KSR2: variants seen among roughly 807,000 people sequenced by gnomAD.
KSR2 encodes kinase suppressor of ras 2.
KSR2 carries 25 observed loss-of-function variants against 107.8 expected under a neutral mutation model. That is an observed-to-expected ratio of 0.23 (90% CI 0.17 to 0.32). The LOEUF is 0.32. Among genes scored for constraint, KSR2 ranks in the 10% least tolerant of loss-of-function variants. KSR2 has a pLI of 1.00. For synonymous variants in KSR2, 480 were observed against 507.0 expected (o/e 0.95, Z 0.71); for missense variants, 887 against 1,268.9 (o/e 0.70, Z 4.57).
intron 4 of KSR2, among the ~76,000 whole-genome samples, chr12:117,701,931 C>A (rs1288261183): frequency 6.6e-6 from 1 of 152,218 alleles, no homozygotes; most frequent in Non-Finnish European, 1.5e-5. Flanking sequence ...GAAAAAATTT[C>A]TATTGCTTTC....
intron 1 of KSR2, among the ~76,000 whole-genome samples, chr12:117,937,657 T>G (rs1292001144): frequency 6.6e-6 from 1 of 151,838 alleles, no homozygotes; most frequent in African/African-American, 2.4e-5. Flanking sequence ...GTCCTATCCC[T>G]TTGTCTCCAG....
chr12:117,783,814 G>A (rs1889967871), intron 3 of KSR2, among the ~76,000 whole-genome samples: 1 of 152,164 alleles, frequency 6.6e-6, no homozygotes, highest in African/African-American at 2.4e-5. Context: ...GTGAGTAGGA[G>A]AGTATGGGCA....
chr12:117,699,351 G>C (rs190435531), intron 4 of KSR2, among the ~76,000 whole-genome samples: 2 of 152,282 alleles, frequency 1.3e-5, no homozygotes, highest in Non-Finnish European at 2.9e-5. Context: ...GCCCAATAAA[G>C]TACTCATGCG....
At chr12:117,862,711 T>C (rs1268253895) in intron 1 of KSR2, among the ~76,000 whole-genome samples, 1 of 149,680 alleles carries the variant, frequency 6.7e-6, no homozygotes, top group Admixed American at 6.7e-5. Flanking sequence ...TTTTGCTATC[T>C]GGTCTCCATT....
intron 1 of KSR2, among the ~76,000 whole-genome samples, chr12:117,929,247 C>T (rs368363010): frequency 6.9e-4 from 105 of 152,172 alleles, no homozygotes; most frequent in African/African-American, 2.3e-3. Flanking sequence ...GTGTCCCCAC[C>T]CAAATTTCAT....
intron 3 of KSR2, among the ~76,000 whole-genome samples, chr12:117,825,379 G>A (rs1196875051): frequency 6.6e-6 from 1 of 152,092 alleles, no homozygotes; most frequent in East Asian, 1.9e-4. Context: ...ATGTGTGCAG[G>A]GATGGATAGG....
intron 4 of KSR2, among the ~76,000 whole-genome samples, chr12:117,747,392 A>G (rs1418747634): frequency 2.3e-4 from 32 of 140,928 alleles, no homozygotes. Flanking sequence ...ATGAGAACAC[A>G]TGGACACAGG....
At chr12:117,509,455 C>A (rs1247897377) in intron 14 of KSR2, among the ~76,000 whole-genome samples, 2 of 152,166 alleles carry the variant, frequency 1.3e-5, no homozygotes, top group African/African-American at 4.8e-5. Context: ...GGAAAGCACA[C>A]AAACCAAACC....
At chr12:117,671,065 G>A (rs1297824053) in intron 4 of KSR2, among the ~76,000 whole-genome samples, 1 of 152,138 alleles carries the variant, frequency 6.6e-6, no homozygotes, top group East Asian at 1.9e-4. Flanking sequence ...ACACACCTTG[G>A]TCTGGCCCTG....
At chr12:117,957,771 A>ACACACACG (rs1443295070) in intron 1 of KSR2, among the ~76,000 whole-genome samples, 1 of 148,684 alleles carries the variant, frequency 6.7e-6, no homozygotes, top group Admixed American at 6.7e-5. Context: ...ACACACACAC[A>ACACACACG]CGCACACCTT....
chr12:117,802,534 T>A (rs1890868908), intron 3 of KSR2, among the ~76,000 whole-genome samples: 1 of 152,156 alleles, frequency 6.6e-6, no homozygotes, highest in African/African-American at 2.4e-5. Context: ...AATTCCCTCC[T>A]CCTCTCTGAG....
chr12:117,554,360 C>T (rs1418736832), intron 9 of KSR2, among the ~76,000 whole-genome samples: 3 of 152,112 alleles, frequency 2.0e-5, no homozygotes, highest in African/African-American at 7.2e-5. Flanking sequence ...CAAAGAAAAC[C>T]CACCCATCCA....
chr12:117,730,932 C>T (rs1380781352), intron 4 of KSR2, among the ~76,000 whole-genome samples: 5 of 152,138 alleles, frequency 3.3e-5, no homozygotes, highest in Admixed American at 2.0e-4. Context: ...GCCGCCACCC[C>T]GTCTAGGAAG....
At chr12:117,710,028 C>T (rs951420878) in intron 4 of KSR2, among the ~76,000 whole-genome samples, 16 of 152,260 alleles carry the variant, frequency 1.1e-4, no homozygotes, top group East Asian at 1.9e-4. Context: ...TCCCAGCTCT[C>T]GAGGAGATGG....
intron 1 of KSR2, among the ~76,000 whole-genome samples, chr12:117,868,430 A>C (rs918299367): frequency 2.0e-5 from 3 of 151,936 alleles, no homozygotes; most frequent in Non-Finnish European, 2.9e-5. Flanking sequence ...CTCAAAAAAA[A>C]AAAAAATTAA....
At chr12:117,924,805 C>T (rs1895460209) in intron 1 of KSR2, among the ~76,000 whole-genome samples, 1 of 152,052 alleles carries the variant, frequency 6.6e-6, no homozygotes, top group Non-Finnish European at 1.5e-5. Flanking sequence ...CCAATTCAAA[C>T]AAGTCAACTG....
intron 5 of KSR2, among the ~76,000 whole-genome samples, chr12:117,639,503 T>A (rs1351580401): frequency 6.6e-6 from 1 of 150,986 alleles, no homozygotes; most frequent in Non-Finnish European, 1.5e-5. Context: ...CTAATTTTTG[T>A]ATTTTTAGTA....
intron 1 of KSR2, among the ~76,000 whole-genome samples, chr12:117,923,762 T>C (rs915370274): frequency 1.3e-5 from 2 of 152,124 alleles, no homozygotes; most frequent in Non-Finnish European, 2.9e-5. Flanking sequence ...TCCAAATCTA[T>C]AAACATAATG....
chr12:117,794,053 CGTACCAACATGCACACAT>C (rs1471597496), intron 3 of KSR2, among the ~76,000 whole-genome samples: 182 of 102,096 alleles, frequency 1.8e-3, no homozygotes, highest in East Asian at 4.8e-3. Context: ...CATGCACACT[CGTACCAACATGCACACAT>C]ACACCAACAT....
Sources: allele counts gnomAD v4.1 joint callset (sites outside exome capture counted in the v4.1 genomes callset), GRCh38; gene constraint gnomAD v4.1.1; transcripts MANE v1.5; gene names NCBI Gene and HGNC (gene_info 2026-07-23, HGNC 2026-07-21).